MCAT: variants seen among roughly 807,000 people sequenced by gnomAD.
MCAT encodes malonyl-CoA-acyl carrier protein transacylase.
MCAT carries 22 observed loss-of-function variants against 22.9 expected under a neutral mutation model. The observed-to-expected ratio is 0.96, with a 90% confidence interval of 0.69 to 1.37. MCAT has a LOEUF of 1.37. MCAT is among the 40% of genes most tolerant of loss of function. The pLI is 0.00. For synonymous variants in MCAT, 240 were observed against 233.9 expected, an observed-to-expected ratio of 1.03 and a Z score of -0.24; for missense variants, 534 against 533.6, an observed-to-expected ratio of 1.00 and a Z score of -0.01.
intron 2 of MCAT, among the ~76,000 whole-genome samples, chr22:43,137,910 G>A (rs1474670675): frequency 1.3e-5 from 2 of 152,124 alleles, no homozygotes; most frequent in African/African-American, 4.8e-5. Context: ...TGAAAGCTGG[G>A]AATTATTATT....
rs768165890 is a variant in MCAT, at chr22:43,133,133, A to G, written c.1083T>C (p.Cys361=). The G allele has an allele frequency of 1.9e-6, 3 of 1,614,044 alleles. No homozygotes were observed. In the South Asian group the frequency reaches 3.3e-5, roughly 18 times the overall value. ...GRQLGAILKS[C]NMQAWKSYSA... ...TGTAGGACTTCCAGGCCTGCATGTT[A>G]CAGCTCTTCAGGATGGCTCCCAGCT... The change falls in exon 4 of 4, where the codon TGT becomes TGC. Residue 361 remains cysteine, a synonymous_variant. Transcript: ENST00000290429.
At chr22:43,136,411 T>C (rs1930612313) in intron 3 of MCAT, among the ~76,000 whole-genome samples, 1 of 152,234 alleles carries the variant, frequency 6.6e-6, no homozygotes. Context: ...CCCACTGCTC[T>C]TTCTGTAGGG....
At chr22:43,133,910 A>G (rs1930529963) in intron 3 of MCAT, among the ~76,000 whole-genome samples, 2 of 150,102 alleles carry the variant, frequency 1.3e-5, no homozygotes, top group African/African-American at 4.9e-5. Context: ...GGTTCACACC[A>G]TTCTCCTGCC....
Position 43,143,224 on chromosome 22 carries a change from G to GC in MCAT, c.124dup (p.Ala42GlyfsTer103). 2 of 1,516,742 alleles carry GC rather than the reference G, an allele frequency of 1.3e-6. No homozygotes were observed. Among genetic ancestry groups the GC allele is most frequent in the Non-Finnish European group, 1.8e-6 (2 of 1,142,082 alleles). 94.0% of individuals were successfully genotyped at this position (1,516,742 alleles called of 1,614,324 possible). A position where few individuals can be genotyped will look rare whatever the true frequency, so the allele number is the denominator to read the frequency against. On this transcript the variant is annotated frameshift_variant, in exon 1 of 4. Coordinates refer to ENST00000290429, the MANE Select transcript of MCAT (RefSeq NM_173467.5). LOFTEE classifies it high-confidence loss of function. ...GGGCGCCTCCTCCTCCGCCCCGGTC[G>GC]CATCTCGCAGCAGCTCCGCTACACC...
At chr22:43,142,606 G>A (rs1284362393) in intron 1 of MCAT, among the ~76,000 whole-genome samples, 1 of 151,608 alleles carries the variant, frequency 6.6e-6, no homozygotes, top group Non-Finnish European at 1.5e-5. Flanking sequence ...CTAACACGAT[G>A]AAACCCCGTC....
Position 43,143,221 on chromosome 22 carries a change from G to A in MCAT, c.128C>T (p.Thr43Ile). 6.6e-7 allele frequency: 1 copy of A among 1,522,420 alleles called. No homozygotes were observed. Among genetic ancestry groups the A allele is most frequent in the South Asian group, 1.2e-5 (1 of 81,332 alleles). The allele number at this position is 1,522,420 out of a possible 1,614,324, so 94.3% of individuals were successfully genotyped here. A position where few individuals can be genotyped will look rare whatever the true frequency, so the allele number is the denominator to read the frequency against. ...CCAGGGCGCCTCCTCCTCCGCCCCG[G>A]TCGCATCTCGCAGCAGCTCCGCTAC... ...QGVAELLRDA[T>I]GAEEEAPWAA... The change falls in exon 1 of 4, where the codon ACC becomes ATC. Residue 43 changes from threonine (T) to isoleucine (I), a missense_variant. By Grantham distance (89) the Thr-to-Ile change is moderately conservative. Transcript: ENST00000290429.
chr22:43,142,796 C>CAAAACAAA (rs1356802848), intron 1 of MCAT, 130 bp downstream of exon 1: 2 of 900,996 alleles, frequency 2.2e-6, no homozygotes, highest in African/African-American at 1.9e-5. Flanking sequence ...CAAAAACAAA[C>CAAAACAAA]AAAAAAAAAA....
chr22:43,135,074 A>C (rs1287622807), intron 3 of MCAT, among the ~76,000 whole-genome samples: 2 of 152,194 alleles, frequency 1.3e-5, no homozygotes, highest in African/African-American at 4.8e-5. Flanking sequence ...TCTCCTCTCC[A>C]ATGGCCAGTC....
At chr22:43,133,517 A>G (rs776216428) in intron 3 of MCAT, 31 bp from the exon 4 acceptor site, 24 of 1,542,242 alleles carry the variant, frequency 1.6e-5, no homozygotes, top group African/African-American at 6.8e-5. Flanking sequence ...CAGCCGAGCA[A>G]TGTCCCAGAA....
Position 43,133,173 on chromosome 22 carries a change from A to C in MCAT, c.1043T>G (p.Val348Gly), listed in dbSNP as rs373511577. 2.5e-6 allele frequency: 4 copies of C among 1,614,060 alleles called. No homozygotes were observed. The highest frequency in any genetic ancestry group is 3.4e-6 in the Non-Finnish European group (4 of 1,180,020). ...GGCTCCCAGCTGCCTGCCAGGGCCT[A>C]CTTCGAAAGTTTGGGGGAACCCCCT... ...KGRGFPQTFE[V>G]GPGRQLGAIL... Residue 348 changes from valine to glycine, a missense_variant, in exon 4 of 4, where the codon GTA (valine) becomes GGA (glycine). Transcript: ENST00000290429.
rs957473759 is a variant in MCAT at position 43,136,316 on chromosome 22, A to G, written c.729+765T>C. 3.3e-5 allele frequency among the ~76,000 whole-genome samples: 5 copies of G among 152,368 alleles called. 1 individual carries two copies. In the South Asian group the frequency reaches 8.3e-4, roughly 25 times the overall value. ...TGGGCTGTGAGGGACATGAAGTAAGACAGAAATGCCTGGCCCGGGCAGCAG... is the reference window on the plus strand; with the variant it reads ...TGGGCTGTGAGGGACATGAAGTAAGGCAGAAATGCCTGGCCCGGGCAGCAG... On this transcript the variant is annotated intron_variant, in intron 3 of 3. Coordinates refer to ENST00000290429, the MANE Select transcript of MCAT (RefSeq NM_173467.5).
At chr22:43,140,477 G>A (rs184696388) in intron 2 of MCAT, among the ~76,000 whole-genome samples, 1 of 152,066 alleles carries the variant, frequency 6.6e-6, no homozygotes, top group African/African-American at 2.4e-5. Flanking sequence ...CCAAGTACTC[G>A]AGCTGGGACT....
Position 43,143,032 on chromosome 22 carries a change from C to G in MCAT, c.317G>C (p.Ser106Thr). The G allele has an allele frequency of 1.2e-6, 2 of 1,610,242 alleles. No homozygotes were observed. The highest frequency in any genetic ancestry group is 1.7e-6 in the Non-Finnish European group (2 of 1,178,988). ...CAGGGTCTCCTGCGGCCCGTGCAGG[C>G]TCAGTTCCAGCAGGTCGTAGCCCAG... is the stretch of plus-strand genomic sequence containing the variant. Reference protein sequence around the residue: ...RVLGYDLLELSLHGPQETLDR... With the variant: ...RVLGYDLLELTLHGPQETLDR... Residue 106 changes from serine (S) to threonine (T), a missense_variant, in exon 1 of 4, where the codon AGC becomes ACC. Coordinates refer to ENST00000290429, the MANE Select transcript of MCAT (RefSeq NM_173467.5).
Position 43,143,182 on chromosome 22 carries a change from C to A in MCAT, c.167G>T (p.Arg56Leu). 1 of 1,550,912 alleles carries A rather than the reference C, an allele frequency of 6.4e-7. No individual in the cohort carries two copies. Residue 56 changes from arginine to leucine, a missense_variant, in exon 1 of 4, where the codon CGG becomes CTG. Physicochemically the swap from Arg to Leu is moderately radical, Grantham distance 102. Transcript: ENST00000290429. The stretch of plus-strand genomic sequence containing the variant: ...CACGGAGCACTGGCCCGGCATTCGC[C>A]GCTCCGTCGCCGCCCAGGGCGCCTC... ...EEEAPWAATERRMPGQCSVLL... is the reference protein window; with the variant it reads ...EEEAPWAATELRMPGQCSVLL...
At position 43,132,774 on chromosome 22, in the gene MCAT, G is replaced by A. The variant is rs563039566; in HGVS notation, c.*269C>T. 23 of 474,486 alleles carry A rather than the reference G, an allele frequency of 4.8e-5. No individual in the cohort carries two copies. The highest frequency in any genetic ancestry group is 1.2e-4 in the African/African-American group (6 of 51,430). The allele number at this position is 474,486 out of a possible 1,614,324, so 29.4% of individuals were successfully genotyped here. ...CCTATGGTGCAGGGCTGGCAGAGGC[G>A]GGGCCAGGATTCTAGCTTCCCCACA... is the stretch of plus-strand genomic sequence containing the variant. On this transcript the variant is annotated 3_prime_UTR_variant, in exon 4 of 4. Transcript: ENST00000290429.
At chr22:43,133,715 G>A (rs906469234) in intron 3 of MCAT, among the ~76,000 whole-genome samples, 2 of 151,942 alleles carry the variant, frequency 1.3e-5, no homozygotes, top group African/African-American at 2.4e-5. Context: ...ACTTCACAAC[G>A]CTGCCAGGAA....
chr22:43,138,986 C>T (rs1930695734), intron 2 of MCAT, among the ~76,000 whole-genome samples: 1 of 152,126 alleles, frequency 6.6e-6, no homozygotes, highest in African/African-American at 2.4e-5. Flanking sequence ...ACATAAACAG[C>T]CTGTGACATC....
Position 43,133,063 on chromosome 22 carries a change from G to A in MCAT, c.1153C>T (p.Pro385Ser). The A allele has an allele frequency of 6.2e-7, 1 of 1,613,626 alleles. No homozygotes were observed. Among genetic ancestry groups the A allele is most frequent in the Non-Finnish European group, 8.5e-7 (1 of 1,179,634 alleles). ...TGCAGTCATCTCGGGGGCTCCTGAG[G>A]GTCCAGGTCCACATGTTCGAGGGTC... ...LQTLEHVDLDPQEPPR is the reference protein window; with the variant it reads ...LQTLEHVDLDSQEPPR The change falls in exon 4 of 4, where the codon CCT becomes TCT. Residue 385 changes from proline (P) to serine (S), a missense_variant. Physicochemically the swap from Pro to Ser is moderately conservative, Grantham distance 74. Coordinates refer to ENST00000290429, the MANE Select transcript of MCAT (RefSeq NM_173467.5).
In MCAT at chr22:43,132,368, C is replaced by T. The variant is rs544333061; in HGVS notation, c.*675G>A. On this transcript the variant is annotated 3_prime_UTR_variant, in exon 4 of 4. Transcript: ENST00000290429. ...CAGGGTGTTCCTCCATGGTTCCACC[C>T]CTAGGACCAGGGCCTCAGTCGCCCT... The T allele has an allele frequency of 6.5e-6, 1 of 152,742 alleles. No individual in the cohort carries two copies. The highest frequency in any genetic ancestry group is 1.5e-5 in the Non-Finnish European group (1 of 68,478). 9.5% of individuals were successfully genotyped at this position (152,742 alleles called of 1,614,324 possible). A position where few individuals can be genotyped will look rare whatever the true frequency, so the allele number is the denominator to read the frequency against.
Sources: allele counts gnomAD v4.1 joint callset (sites outside exome capture counted in the v4.1 genomes callset), GRCh38; gene constraint gnomAD v4.1.1; transcripts MANE v1.5; gene names NCBI Gene and HGNC (gene_info 2026-07-23, HGNC 2026-07-21).